The following CDA variants were observed in gnomAD, a reference collection of about 807,000 sequenced individuals.
CDA encodes the protein cytidine aminohydrolase.
Under a neutral mutation model 15.0 loss-of-function variants are expected in CDA, and 7 were observed. The observed-to-expected ratio is 0.47, with a 90% CI of 0.26 to 0.87. The LOEUF (loss-of-function observed/expected upper bound fraction) is 0.87. Ranked by LOEUF, CDA falls within the 40% of genes least tolerant of loss-of-function variation. CDA has a pLI of 0.15. For missense variants in CDA, 159 were observed against 182.7 expected (o/e 0.87, Z 0.75); for synonymous variants, 58 against 73.0 (o/e 0.79, Z 1.05).
chr1:20,616,896 C>G (rs538397083), intron 3 of CDA, among the ~76,000 whole-genome samples: 84 of 152,236 alleles, frequency 5.5e-4, no homozygotes, highest in African/African-American at 2.0e-3. Flanking sequence ...CTTGGTGATT[C>G]AGAGAGAAGT....
At chr1:20,596,982 G>A (rs980104901) in intron 1 of CDA, among the ~76,000 whole-genome samples, 2 of 151,844 alleles carry the variant, frequency 1.3e-5, no homozygotes, top group African/African-American at 2.4e-5. Context: ...GGCTAGTCTC[G>A]AACTCCTGGA....
At chr1:20,610,649 A>G (rs1439216011) in intron 2 of CDA, among the ~76,000 whole-genome samples, 1 of 152,228 alleles carries the variant, frequency 6.6e-6, no homozygotes, top group Non-Finnish European at 1.5e-5. Flanking sequence ...TAGTACATAA[A>G]TCACATAGCA....
chr1:20,593,034 C>T (rs1054429254), intron 1 of CDA, among the ~76,000 whole-genome samples: 2 of 152,148 alleles, frequency 1.3e-5, no homozygotes, highest in Non-Finnish European at 2.9e-5. Flanking sequence ...TTCGAGGCTG[C>T]AGTGAGCTGT....
At chr1:20,618,394 C>A in intron 3 of CDA, 58 bp from the exon 4 acceptor site, 1 of 925,284 alleles carries the variant, frequency 1.1e-6, no homozygotes, top group Non-Finnish European at 1.8e-6. Context: ...CAGACCCAGT[C>A]CGTCTCAGCC....
At chr1:20,603,170 G>A (rs140931076) in intron 1 of CDA, among the ~76,000 whole-genome samples, 62 of 152,306 alleles carry the variant, frequency 4.1e-4, no homozygotes, top group African/African-American at 1.4e-3. Flanking sequence ...CTAAGCCAAT[G>A]TCACATACTT....
At chr1:20,592,833 C>T (rs893776598) in intron 1 of CDA, among the ~76,000 whole-genome samples, 1 of 152,214 alleles carries the variant, frequency 6.6e-6, no homozygotes, top group Non-Finnish European at 1.5e-5. Flanking sequence ...TGGCTCATGC[C>T]AGTAATCCCA....
At chr1:20,611,548 T>C (rs1162215908) in intron 2 of CDA, among the ~76,000 whole-genome samples, 1 of 152,000 alleles carries the variant, frequency 6.6e-6, no homozygotes, top group Non-Finnish European at 1.5e-5. Flanking sequence ...ACCCAGCTAA[T>C]TTTTGTATTT....
At chr1:20,605,098 T>A in intron 2 of CDA, 59 bp downstream of exon 2, 1 of 981,484 alleles carries the variant, frequency 1.0e-6, no homozygotes, top group Non-Finnish European at 1.6e-6. Context: ...AACATCTTCC[T>A]TACACATATT....
chr1:20,592,382 T>C (rs1375288205), intron 1 of CDA, among the ~76,000 whole-genome samples: 2 of 152,368 alleles, frequency 1.3e-5, no homozygotes, highest in Middle Eastern at 3.4e-3. Flanking sequence ...TCACAAATGA[T>C]AGCTGCTTCT....
intron 3 of CDA, among the ~76,000 whole-genome samples, chr1:20,616,248 A>G (rs498617): frequency 0.98 from 148,908 of 152,240 alleles, 72,920 homozygotes; most frequent in East Asian, 1. Flanking sequence ...ATTATTTTCA[A>G]CCATGGAGGA....
At chr1:20,596,756 CTTTT>C (rs61288769) in intron 1 of CDA, among the ~76,000 whole-genome samples, 63 of 101,108 alleles carry the variant, frequency 6.2e-4, no homozygotes, top group Admixed American at 9.6e-4. Flanking sequence ...CTGTTGATGT[CTTTT>C]TTTTTTTTTT....
intron 2 of CDA, among the ~76,000 whole-genome samples, chr1:20,612,070 C>T (rs2052757287): frequency 6.6e-6 from 1 of 152,126 alleles, no homozygotes; most frequent in Non-Finnish European, 1.5e-5. Context: ...GCCATGTTGG[C>T]CAGGATGGTC....
At chr1:20,604,300 A>C (rs2052673941) in intron 1 of CDA, among the ~76,000 whole-genome samples, 1 of 152,208 alleles carries the variant, frequency 6.6e-6, no homozygotes, top group African/African-American at 2.4e-5. Context: ...CCAGGGTTCA[A>C]GGCACTGGCA....
At chr1:20,605,075 C>A (rs2052682247) in intron 2 of CDA, 36 bp downstream of exon 2, 1 of 1,205,812 alleles carries the variant, frequency 8.3e-7, no homozygotes, top group South Asian at 1.2e-5. Context: ...AATATTCATT[C>A]ATCTCTTTAG....
chr1:20,612,803 C>T (rs1242383585), intron 2 of CDA, among the ~76,000 whole-genome samples: 9 of 151,878 alleles, frequency 5.9e-5, no homozygotes, highest in South Asian at 2.1e-4. Flanking sequence ...ATTAGCCGGG[C>T]GTGGTGGTGC....
intron 1 of CDA, among the ~76,000 whole-genome samples, chr1:20,591,326 G>A (rs1193222231): frequency 6.6e-6 from 1 of 152,046 alleles, no homozygotes. Context: ...GGGCGACAGA[G>A]CGAGACTCTG....
At chr1:20,602,492 C>T (rs1279094706) in intron 1 of CDA, among the ~76,000 whole-genome samples, 3 of 152,100 alleles carry the variant, frequency 2.0e-5, no homozygotes, top group East Asian at 1.9e-4. Flanking sequence ...GGCATGATCT[C>T]GGCTCACTGC....
Position 20,604,352 on chromosome 1 carries a change from G to A in CDA, c.155-576G>A, listed in dbSNP as rs1005189595. On this transcript the variant is annotated intron_variant, in intron 1 of 3. Coordinates refer to ENST00000375071, the MANE Select transcript of CDA (RefSeq NM_001785.3). ...GCTTAGTCATAGACGGTGACTCCTT[G>A]CTATGTCCTCATGCGGCAGATGGGG... Among the ~76,000 whole-genome samples, 2 of 152,302 alleles carry A rather than the reference G, an allele frequency of 1.3e-5. 1 individual carries two copies. The highest frequency in any genetic ancestry group is 3.9e-4 in the East Asian group (2 of 5,186).
At chr1:20,597,221 G>T (rs2052599641) in intron 1 of CDA, among the ~76,000 whole-genome samples, 2 of 152,190 alleles carry the variant, frequency 1.3e-5, no homozygotes, top group South Asian at 4.1e-4. Context: ...GGCCAAGGCA[G>T]GTGGATCATG....
Sources: allele counts gnomAD v4.1 joint callset (sites outside exome capture counted in the v4.1 genomes callset), GRCh38; gene constraint gnomAD v4.1.1; transcripts MANE v1.5; gene names NCBI Gene and HGNC (gene_info 2026-07-23, HGNC 2026-07-21).